KCTD8: variants seen among roughly 807,000 people sequenced by gnomAD.
KCTD8 encodes the protein BTB/POZ domain-containing protein KCTD8.
In KCTD8, 27 loss-of-function variants were observed where a neutral mutation model predicts 31.5. The observed-to-expected ratio is 0.86, with a 90% confidence interval of 0.63 to 1.18. KCTD8 has a LOEUF of 1.18. Among genes scored for constraint, KCTD8 ranks in the 50% most tolerant of loss-of-function variants. The pLI is 0.00. For missense variants in KCTD8, 658 were observed against 647.7 expected (o/e 1.02, Z -0.17); for synonymous variants, 290 against 280.0 (o/e 1.04, Z -0.36).
At chr4:44,271,884 T>C (rs1716616881) in intron 1 of KCTD8, among the ~76,000 whole-genome samples, 1 of 152,068 alleles carries the variant, frequency 6.6e-6, no homozygotes, top group Non-Finnish European at 1.5e-5. Context: ...GTGAGTCCCC[T>C]GATTTCCCAC....
At chr4:44,191,862 A>G (rs1387340633) in intron 1 of KCTD8, among the ~76,000 whole-genome samples, 2 of 152,134 alleles carry the variant, frequency 1.3e-5, no homozygotes, top group African/African-American at 4.8e-5. Flanking sequence ...TGTTTTCTCA[A>G]AAGCATGGGA....
intron 1 of KCTD8, among the ~76,000 whole-genome samples, chr4:44,198,251 A>C (rs1714009383): frequency 6.6e-6 from 1 of 152,176 alleles, no homozygotes; most frequent in African/African-American, 2.4e-5. Context: ...AGTCTATGAA[A>C]ATTTCCCCAA....
chr4:44,408,231 T>C lies in KCTD8; in HGVS notation c.961+39332A>G, dbSNP rs192739790. 1.7e-4 allele frequency among the ~76,000 whole-genome samples: 26 copies of C among 152,310 alleles called. 1 individual carries two copies. The East Asian group carries it at 4.1e-3, about 24-fold the overall frequency. On this transcript the variant is annotated intron_variant, in intron 1 of 1. Coordinates refer to ENST00000360029, the MANE Select transcript of KCTD8 (RefSeq NM_198353.3). ...ACTAAATGAAATAGTGTATAAAAAG[T>C]ATTAGCATGGACAAGTGATTTTACT... is the stretch of plus-strand genomic sequence containing the variant.
intron 1 of KCTD8, among the ~76,000 whole-genome samples, chr4:44,255,450 A>G (rs1715964380): frequency 6.6e-6 from 1 of 151,840 alleles, no homozygotes; most frequent in Non-Finnish European, 1.5e-5. Context: ...AATTTTGTTA[A>G]ATTTTATTCA....
chr4:44,309,956 C>A (rs571090635), intron 1 of KCTD8, among the ~76,000 whole-genome samples: 16 of 151,988 alleles, frequency 1.1e-4, no homozygotes, highest in African/African-American at 3.4e-4. Flanking sequence ...AAGGTAATGT[C>A]GTCATAGGAT....
intron 1 of KCTD8, among the ~76,000 whole-genome samples, chr4:44,259,514 C>T (rs1252114641): frequency 6.6e-6 from 1 of 151,914 alleles, no homozygotes; most frequent in Non-Finnish European, 1.5e-5. Context: ...TACATCCAAG[C>T]ACCTAAACCA....
intron 1 of KCTD8, among the ~76,000 whole-genome samples, chr4:44,198,498 T>C (rs2109338112): frequency 1.3e-5 from 2 of 152,244 alleles, no homozygotes; most frequent in Middle Eastern, 3.4e-3. Context: ...ATTGGGGGCA[T>C]ATTTTCAGCA....
chr4:44,392,953 G>C (rs1720409269), intron 1 of KCTD8, among the ~76,000 whole-genome samples: 1 of 151,984 alleles, frequency 6.6e-6, no homozygotes, highest in South Asian at 2.1e-4. Context: ...TGTCAGAGAA[G>C]ACATGGACAA....
chr4:44,346,730 A>T (rs1267207141), intron 1 of KCTD8, among the ~76,000 whole-genome samples: 2 of 152,178 alleles, frequency 1.3e-5, no homozygotes, highest in East Asian at 3.9e-4. Context: ...TTACTTCTCC[A>T]AGTCACCACA....
At chr4:44,256,651 C>T (rs534559389) in intron 1 of KCTD8, among the ~76,000 whole-genome samples, 1 of 151,712 alleles carries the variant, frequency 6.6e-6, no homozygotes. Context: ...TCTGAGCGAG[C>T]CTGGTGTAAT....
rs73247517 is a variant in KCTD8, at chr4:44,376,055, G to A, written c.961+71508C>T. Among the ~76,000 whole-genome samples, 308 of 152,192 alleles carry A rather than the reference G, an allele frequency of 2.0e-3. 3 individuals are homozygous for A. The highest frequency in any genetic ancestry group is 2.1e-3 in the Non-Finnish European group (140 of 68,016). On this transcript the variant is annotated intron_variant, in intron 1 of 1. Coordinates refer to ENST00000360029, the MANE Select transcript of KCTD8 (RefSeq NM_198353.3). ...ACTGCAGTAATTGCTGCCACTGGTT[G>A]CAATTATTGTTTCTCTGAAACAAGA...
chr4:44,443,135 T>C (rs1334208202), intron 1 of KCTD8, among the ~76,000 whole-genome samples: 2 of 152,232 alleles, frequency 1.3e-5, no homozygotes, highest in Non-Finnish European at 2.9e-5. Flanking sequence ...AAAGTTATCC[T>C]CTGCTTTTGC....
intron 1 of KCTD8, among the ~76,000 whole-genome samples, chr4:44,300,562 T>C (rs533641230): frequency 6.6e-6 from 1 of 152,296 alleles, no homozygotes; most frequent in South Asian, 2.1e-4. Flanking sequence ...AAATATTCTA[T>C]TAAAAGGTTA....
rs377553358 is a variant in KCTD8, at chr4:44,203,420, G to C, written c.962-28170C>G. Among the ~76,000 whole-genome samples, 25 of 150,970 alleles carry C rather than the reference G, an allele frequency of 1.7e-4. No homozygotes were observed. The East Asian group carries it at 4.3e-3, about 26-fold the overall frequency. ...TGGGAGAACTGCTTGAACCCAGGAA[G>C]CGGAGGTTGCAGTAAGCCAAGATCG... On this transcript the variant is annotated intron_variant, in intron 1 of 1. Transcript: ENST00000360029.
intron 1 of KCTD8, among the ~76,000 whole-genome samples, chr4:44,211,461 A>T (rs1404735942): frequency 2.0e-5 from 3 of 152,142 alleles, no homozygotes; most frequent in Non-Finnish European, 2.9e-5. Flanking sequence ...TTCTCAATTC[A>T]ACATTATATT....
At chr4:44,220,622 T>G (rs1429165877) in intron 1 of KCTD8, among the ~76,000 whole-genome samples, 3 of 152,178 alleles carry the variant, frequency 2.0e-5, no homozygotes, top group African/African-American at 4.8e-5. Flanking sequence ...CTTGCCACAT[T>G]ACGTTCTTTG....
intron 1 of KCTD8, among the ~76,000 whole-genome samples, chr4:44,298,248 C>A (rs915940556): frequency 1.1e-4 from 16 of 152,130 alleles, no homozygotes; most frequent in Admixed American, 8.5e-4. Context: ...AGGCTCAGAC[C>A]CCTTCCTTTC....
chr4:44,442,774 T>TACACACGTATACAC (rs10938342), intron 1 of KCTD8, among the ~76,000 whole-genome samples: 26,902 of 146,898 alleles, frequency 0.18, 2,582 homozygotes, highest in Non-Finnish European at 0.21. Context: ...AACTAAGGTA[T>TACACACGTATACAC]ACACACACAC....
At chr4:44,309,545 C>A (rs1202555974) in intron 1 of KCTD8, among the ~76,000 whole-genome samples, 1 of 152,128 alleles carries the variant, frequency 6.6e-6, no homozygotes, top group Non-Finnish European at 1.5e-5. Context: ...ATGCTTAATT[C>A]TCTTTTACTC....
Sources: gnomAD v4.1 joint callset for allele counts (sites outside exome capture counted in the v4.1 genomes callset) on GRCh38, gnomAD v4.1.1 for gene constraint, MANE v1.5 for transcripts, NCBI Gene and HGNC (gene_info 2026-07-23, HGNC 2026-07-21) for gene names.